SIRT5: variants seen among roughly 807,000 people sequenced by gnomAD.
The protein encoded by SIRT5 is NAD-dependent protein deacylase sirtuin-5, mitochondrial.
A neutral mutation model predicts 40.0 loss-of-function variants in SIRT5; 26 were observed. The ratio of observed to expected loss-of-function variants is 0.65; its 90% CI spans 0.48 to 0.90. The LOEUF (loss-of-function observed/expected upper bound fraction) is 0.90, where lower values mean the gene tolerates loss of function less well. Ranked by LOEUF, SIRT5 falls within the 40% of genes least tolerant of loss-of-function variation. The probability of loss-of-function intolerance (pLI) is 0.00; values close to 1 mark genes in which losing one functional copy is unlikely to be tolerated. For synonymous variants in SIRT5, 146 were observed against 149.1 expected (o/e 0.98, Z 0.15); for missense variants, 401 against 402.4 (o/e 1.00, Z 0.03).
intron 9 of SIRT5, among the ~76,000 whole-genome samples, chr6:13,603,216 G>A (rs1047442022): frequency 6.0e-5 from 9 of 149,232 alleles, no homozygotes; most frequent in Admixed American, 2.7e-4. Context: ...GGTGGAGCTT[G>A]CAGTGAGCCG....
At chr6:13,595,196 T>C (rs945681523) in intron 5 of SIRT5, among the ~76,000 whole-genome samples, 1 of 152,210 alleles carries the variant, frequency 6.6e-6, no homozygotes, top group South Asian at 2.1e-4. Flanking sequence ...AAGCTAAAGC[T>C]AGGGTAGGCC....
chr6:13,574,287 G>C (rs1758276984), upstream of SIRT5, among the ~76,000 whole-genome samples: 2 of 152,044 alleles, frequency 1.3e-5, no homozygotes, highest in Non-Finnish European at 1.5e-5. Context: ...CTCTCCAGCC[G>C]GCGCGCCCGC....
At chr6:13,574,967 G>A (rs904751168) in intron 1 of SIRT5, among the ~76,000 whole-genome samples, 1 of 152,172 alleles carries the variant, frequency 6.6e-6, no homozygotes, top group Non-Finnish European at 1.5e-5. Context: ...GGCAGTGGGC[G>A]TGGAGAGGGG....
intron 4 of SIRT5, among the ~76,000 whole-genome samples, chr6:13,590,874 G>A (rs1760793019): frequency 6.7e-6 from 1 of 149,874 alleles, no homozygotes; most frequent in Admixed American, 6.7e-5. Context: ...ATGTAGACGT[G>A]TGTAGTTTGT....
intron 9 of SIRT5, chr6:13,604,485 C>T (rs150374753): frequency 4.5e-6 from 7 of 1,562,774 alleles, no homozygotes; most frequent in Non-Finnish European, 6.2e-6. Flanking sequence ...GTCATTTGAT[C>T]TCCATCTCAT....
intron 8 of SIRT5, 30 bp downstream of exon 8, chr6:13,599,185 C>T (rs1762030902): frequency 6.2e-7 from 1 of 1,608,160 alleles, no homozygotes; most frequent in African/African-American, 1.3e-5. Context: ...AACCCCAGGA[C>T]AGGACTGGAG....
At chr6:13,588,517 G>A (rs1760385208) in intron 4 of SIRT5, 53 bp downstream of exon 4, 5 of 1,581,730 alleles carry the variant, frequency 3.2e-6, no homozygotes, top group Non-Finnish European at 3.4e-6. Flanking sequence ...AACCATAACA[G>A]AGTTTGACTC....
rs200182474 is a variant in SIRT5, at chr6:13,600,920, G to T, written c.828G>T (p.Thr276=). The change falls in exon 9 of 10, where the codon ACG becomes ACT. Residue 276 remains threonine, a synonymous_variant. Transcript: ENST00000606117. Reference sequence around the variant, plus strand: ...GCGTGCCAGTGGCTGAATTTAACACGGAGACCACCCCAGCTACGAACAGAT... The same window carrying T: ...GCGTGCCAGTGGCTGAATTTAACACTGAGACCACCCCAGCTACGAACAGAT... ...ARGVPVAEFN[T]ETTPATNRFR... is the part of the protein sequence containing the mutation. The T allele has an allele frequency of 1.2e-6, 2 of 1,614,032 alleles. No individual in the cohort carries two copies. Among genetic ancestry groups the T allele is most frequent in the Admixed American group, 1.7e-5 (1 of 60,004 alleles).
chr6:13,608,377 GGA>G (rs1161414649), intron 9 of SIRT5, among the ~76,000 whole-genome samples: 1 of 152,194 alleles, frequency 6.6e-6, no homozygotes, highest in African/African-American at 2.4e-5. Context: ...CTTGAGGCCA[GGA>G]GTTCAGGACC....
At chr6:13,605,955 G>T (rs1466073797) in intron 9 of SIRT5, among the ~76,000 whole-genome samples, 1 of 152,220 alleles carries the variant, frequency 6.6e-6, no homozygotes, top group Admixed American at 6.5e-5. Flanking sequence ...ACAAATATTT[G>T]TAAGTATCCA....
chr6:13,598,756 G>T (rs1205021737), intron 7 of SIRT5, among the ~76,000 whole-genome samples: 1 of 150,490 alleles, frequency 6.6e-6, no homozygotes, highest in East Asian at 2.0e-4. Context: ...AACCTGGGAG[G>T]CAGAGGTTGC....
At chr6:13,587,126 G>A (rs976368960) in intron 3 of SIRT5, among the ~76,000 whole-genome samples, 2 of 147,572 alleles carry the variant, frequency 1.4e-5, no homozygotes, top group Non-Finnish European at 2.9e-5. Context: ...TTTAACACAG[G>A]GTGGCCATCC....
intron 9 of SIRT5, among the ~76,000 whole-genome samples, chr6:13,601,197 G>A (rs914028877): frequency 6.6e-6 from 1 of 152,138 alleles, no homozygotes; most frequent in Non-Finnish European, 1.5e-5. Flanking sequence ...GCTCTTCTTG[G>A]ATTCCTTAGG....
chr6:13,593,316 T>A (rs2127664984), intron 5 of SIRT5, among the ~76,000 whole-genome samples: 1 of 152,316 alleles, frequency 6.6e-6, no homozygotes, highest in South Asian at 2.1e-4. Context: ...TAGATCACCC[T>A]GATAAGGAAA....
At chr6:13,610,678 G>A (rs867951904) in intron 9 of SIRT5, among the ~76,000 whole-genome samples, 1 of 152,158 alleles carries the variant, frequency 6.6e-6, no homozygotes, top group African/African-American at 2.4e-5. Flanking sequence ...TTCCCTAAAC[G>A]CTCCCCATGG....
rs74675608 is a variant in SIRT5 at position 13,599,204 on chromosome 6, T to G, written c.741+49T>G. On this transcript the variant is annotated intron_variant, in intron 8 of 9. Transcript: ENST00000606117. ...CCAGGACAGGACTGGAGTTTGTTATTTTTTCCTTCCCCCTCTCCTCTTTTC... is the reference window on the plus strand; with the variant it reads ...CCAGGACAGGACTGGAGTTTGTTATGTTTTCCTTCCCCCTCTCCTCTTTTC... 4.8e-3 allele frequency: 7,473 copies of G among 1,568,612 alleles called. 145 individuals are homozygous for G. Among genetic ancestry groups the G allele is most frequent in the Admixed American group, 0.036 (2,000 of 56,318 alleles).
intron 9 of SIRT5, among the ~76,000 whole-genome samples, chr6:13,601,368 G>A (rs141616370): frequency 9.2e-5 from 14 of 152,236 alleles, no homozygotes; most frequent in East Asian, 5.8e-4. Context: ...TGGTCTAATC[G>A]CCAAGGTTAT....
intron 9 of SIRT5, chr6:13,604,663 G>C: frequency 7.1e-7 from 1 of 1,412,810 alleles, no homozygotes; most frequent in Non-Finnish European, 9.2e-7. Flanking sequence ...GCATCCCTTG[G>C]ATATGGTGGC....
chr6:13,603,276 C>CAA (rs36093293), intron 9 of SIRT5, among the ~76,000 whole-genome samples: 16 of 49,144 alleles, frequency 3.3e-4, no homozygotes, highest in South Asian at 6.9e-4. Flanking sequence ...GACTCCGTCT[C>CAA]AAAAAAAAAA....
Sources: allele counts gnomAD v4.1 joint callset (sites outside exome capture counted in the v4.1 genomes callset), GRCh38; gene constraint gnomAD v4.1.1; transcripts MANE v1.5; gene names NCBI Gene and HGNC (gene_info 2026-07-23, HGNC 2026-07-21).